The following MKLN1 variants were observed in gnomAD, a reference collection of about 807,000 sequenced individuals.
MKLN1 encodes muskelin.
MKLN1 carries 18 observed loss-of-function variants against 99.0 expected under a neutral mutation model. That is an observed-to-expected ratio of 0.18 (90% CI 0.13 to 0.27). The LOEUF (loss-of-function observed/expected upper bound fraction) is 0.27, where lower values mean the gene tolerates loss of function less well. Ranked by LOEUF, MKLN1 falls within the 10% of genes least tolerant of loss-of-function variation. The pLI, the probability that MKLN1 is intolerant of heterozygous loss-of-function variation, is 1.00. For synonymous variants in MKLN1, 288 were observed against 293.2 expected (o/e 0.98, Z 0.18); for missense variants, 621 against 875.9 (o/e 0.71, Z 3.67).
At chr7:131,342,403 A>C (rs1799435275) in intron 1 of MKLN1, among the ~76,000 whole-genome samples, 1 of 152,226 alleles carries the variant, frequency 6.6e-6, no homozygotes, top group South Asian at 2.1e-4. Flanking sequence ...AGACATGTAC[A>C]CACATAGGTA....
chr7:131,464,491 T>C (rs562663938), intron 14 of MKLN1, 83 bp downstream of exon 14: 12 of 776,586 alleles, frequency 1.5e-5, no homozygotes, highest in African/African-American at 3.4e-5. Context: ...TTGTTTTAAA[T>C]TGGATTTGAG....
intron 1 of MKLN1, among the ~76,000 whole-genome samples, chr7:131,343,981 T>C (rs557464569): frequency 1.3e-5 from 2 of 152,208 alleles, no homozygotes; most frequent in African/African-American, 4.8e-5. Flanking sequence ...TTTAATGATA[T>C]AGAGAAAATG....
chr7:131,196,973 G>T (rs776654143), intron 2 of MKLN1, among the ~76,000 whole-genome samples: 1 of 152,114 alleles, frequency 6.6e-6, no homozygotes, highest in Non-Finnish European at 1.5e-5. Context: ...ATTAGCTGGA[G>T]CTCATTGTGT....
intron 1 of MKLN1, among the ~76,000 whole-genome samples, chr7:131,374,515 C>G (rs1793576450): frequency 6.6e-6 from 1 of 152,160 alleles, no homozygotes; most frequent in African/African-American, 2.4e-5. Context: ...AGTGAGAAAC[C>G]TGGCTCCCAC....
At chr7:131,121,270 T>C (rs377659223) in intron 1 of MKLN1, among the ~76,000 whole-genome samples, 1 of 152,078 alleles carries the variant, frequency 6.6e-6, no homozygotes, top group South Asian at 2.1e-4. Flanking sequence ...ACCAGGTCCC[T>C]CCCCCAACAT....
chr7:131,354,065 C>A (rs1015653088), intron 1 of MKLN1, among the ~76,000 whole-genome samples: 5 of 151,670 alleles, frequency 3.3e-5, no homozygotes, highest in African/African-American at 1.2e-4. Context: ...ATAGAGTGAT[C>A]GCTCTCATTT....
At chr7:131,388,643 T>C (rs911041869) in intron 3 of MKLN1, among the ~76,000 whole-genome samples, 2 of 152,236 alleles carry the variant, frequency 1.3e-5, no homozygotes, top group African/African-American at 4.8e-5. Flanking sequence ...CTACATTCTT[T>C]ATAATACTGA....
intron 3 of MKLN1, among the ~76,000 whole-genome samples, chr7:131,317,829 C>T (rs999611162): frequency 7.2e-6 from 1 of 138,520 alleles, no homozygotes; most frequent in African/African-American, 2.7e-5. Context: ...AAACTTTAAA[C>T]CCAAAAAGTT....
At chr7:131,373,815 G>C (rs1257582049) in intron 1 of MKLN1, among the ~76,000 whole-genome samples, 1 of 152,056 alleles carries the variant, frequency 6.6e-6, no homozygotes, top group African/African-American at 2.4e-5. Context: ...ATTTTATTTG[G>C]ATTTCACTAG....
At chr7:131,260,672 C>A (rs772978995) in intron 3 of MKLN1, among the ~76,000 whole-genome samples, 1 of 152,134 alleles carries the variant, frequency 6.6e-6, no homozygotes, top group Non-Finnish European at 1.5e-5. Flanking sequence ...AAGAACAAAG[C>A]TGGAGGCATC....
At chr7:131,144,847 C>T (rs559368990) in intron 2 of MKLN1, among the ~76,000 whole-genome samples, 2 of 152,082 alleles carry the variant, frequency 1.3e-5, no homozygotes, top group Admixed American at 6.5e-5. Flanking sequence ...CGTGGTGGCA[C>T]ACGCCTGTAA....
rs976991780 is a variant in MKLN1 at position 131,496,587 on chromosome 7, A to T, written c.*8859A>T. 6.6e-6 allele frequency: 1 copy of T among 151,926 alleles called. No homozygotes were observed. Among genetic ancestry groups the T allele is most frequent in the Non-Finnish European group, 1.5e-5 (1 of 68,036 alleles). The allele number at this position is 151,926 out of a possible 1,614,324, so 9.4% of individuals were successfully genotyped here. On this transcript the variant is annotated 3_prime_UTR_variant, in exon 18 of 18. Coordinates refer to ENST00000352689, the MANE Select transcript of MKLN1 (RefSeq NM_013255.5). Reference sequence around the variant, plus strand: ...TATGTAATGTACATATGGAGAAAGAATGTATTTTGTTCATTTTCTTAATAA... The same window carrying T: ...TATGTAATGTACATATGGAGAAAGATTGTATTTTGTTCATTTTCTTAATAA...
chr7:131,119,805 C>T (rs1795333677), intron 1 of MKLN1, among the ~76,000 whole-genome samples: 1 of 152,184 alleles, frequency 6.6e-6, no homozygotes, highest in Non-Finnish European at 1.5e-5. Context: ...GGCTGGGATG[C>T]TTTCTGCCTT....
At chr7:131,131,175 G>A (rs2116226274) in intron 1 of MKLN1, among the ~76,000 whole-genome samples, 1 of 138,852 alleles carries the variant, frequency 7.2e-6, no homozygotes, top group East Asian at 2.4e-4. Context: ...GGGAAATATA[G>A]TGAGACCTCA....
chr7:131,222,803 G>T (rs1437936799), intron 3 of MKLN1, among the ~76,000 whole-genome samples: 1 of 151,324 alleles, frequency 6.6e-6, no homozygotes, highest in Non-Finnish European at 1.5e-5. Context: ...AATCACCTGA[G>T]GTCAGGAGTT....
At chr7:131,262,537 G>C (rs1563271154) in intron 3 of MKLN1, among the ~76,000 whole-genome samples, 1 of 150,866 alleles carries the variant, frequency 6.6e-6, no homozygotes, top group African/African-American at 2.4e-5. Context: ...TTGTTATTAT[G>C]TTTTTTTTTC....
At chr7:131,227,474 T>G (rs189407365) in intron 3 of MKLN1, among the ~76,000 whole-genome samples, 24 of 144,066 alleles carry the variant, frequency 1.7e-4, no homozygotes, top group African/African-American at 5.1e-4. Context: ...TTTCTTTCTT[T>G]CTCTCTTTCT....
At chr7:131,347,283 G>T (rs1299580583) in intron 1 of MKLN1, among the ~76,000 whole-genome samples, 4 of 152,220 alleles carry the variant, frequency 2.6e-5, no homozygotes, top group Non-Finnish European at 4.4e-5. Context: ...GAGAGTAAGT[G>T]CAAAAGTATC....
At chr7:131,190,762 C>G (rs1242283648) in intron 2 of MKLN1, among the ~76,000 whole-genome samples, 1 of 152,096 alleles carries the variant, frequency 6.6e-6, no homozygotes, top group Non-Finnish European at 1.5e-5. Context: ...GTTGGGAATT[C>G]ATCCAAAATA....
Sources: gnomAD v4.1 joint callset for allele counts (sites outside exome capture counted in the v4.1 genomes callset) on GRCh38, gnomAD v4.1.1 for gene constraint, MANE v1.5 for transcripts, NCBI Gene and HGNC (gene_info 2026-07-23, HGNC 2026-07-21) for gene names.